PCDHGB4: variants seen among roughly 807,000 people sequenced by gnomAD.
The protein encoded by PCDHGB4 is protocadherin gamma-B4.
PCDHGB4 carries 38 observed loss-of-function variants against 60.5 expected under a neutral mutation model. The observed-to-expected ratio is 0.63, with a 90% CI of 0.48 to 0.82. The LOEUF (loss-of-function observed/expected upper bound fraction) is 0.82. Among genes scored for constraint, PCDHGB4 ranks in the 40% least tolerant of loss-of-function variants. PCDHGB4 has a pLI of 0.00. For synonymous variants in PCDHGB4, 456 were observed against 509.7 expected, an observed-to-expected ratio of 0.89 and a Z score of 1.42; for missense variants, 1,109 against 1,209.6, an observed-to-expected ratio of 0.92 and a Z score of 1.23.
In PCDHGB4 at chr5:141,485,842, T is replaced by C; in HGVS notation, c.2398-8965T>C. ...TCGATGGAGGGAACCCGCCGAGATC[T>C]GGCACCGCAGAGCTCCGGGTATCCG... On this transcript the variant is annotated intron_variant, in intron 1 of 3. Coordinates refer to ENST00000519479, the MANE Select transcript of PCDHGB4 (RefSeq NM_003736.4). This position sits in a 1 kb window ranked among gnomAD's most constrained non-coding sequence, Gnocchi z 5.7. 1 of 1,614,002 alleles carries C rather than the reference T, an allele frequency of 6.2e-7. No homozygotes were observed. Among genetic ancestry groups the C allele is most frequent in the Non-Finnish European group, 8.5e-7 (1 of 1,179,982 alleles).
At chr5:141,408,375 T>A in intron 1 of PCDHGB4, 1 of 1,613,972 alleles carries the variant, frequency 6.2e-7, no homozygotes, top group Non-Finnish European at 8.5e-7. Context: ...GGGCTCAGTG[T>A]CCTGGATGTG....
chr5:141,461,961 T>C (rs914134151), intron 1 of PCDHGB4, among the ~76,000 whole-genome samples: 3 of 152,192 alleles, frequency 2.0e-5, no homozygotes, highest in African/African-American at 7.2e-5. Context: ...GTAGCTGGGA[T>C]TCCAGGCATA....
In PCDHGB4 at chr5:141,476,245, G is replaced by C; in HGVS notation, c.2398-18562G>C. 3.1e-6 allele frequency: 5 copies of C among 1,614,086 alleles called. No homozygotes were observed. The highest frequency in any genetic ancestry group is 3.4e-6 in the Non-Finnish European group (4 of 1,180,026). On this transcript the variant is annotated intron_variant, in intron 1 of 3. Transcript: ENST00000519479. This position sits in a 1 kb window ranked among gnomAD's most constrained non-coding sequence, Gnocchi z 7.6. The stretch of plus-strand genomic sequence containing the variant: ...ATGAGATCCCGGAGGAAAGAGAGAA[G>C]GGTTTCGCTGTGGGCAACGTGGTCG...
chr5:141,460,959 A>G (rs892536901), intron 1 of PCDHGB4, among the ~76,000 whole-genome samples: 2 of 126,082 alleles, frequency 1.6e-5, no homozygotes, highest in African/African-American at 7.1e-5. Context: ...ATGTATATAT[A>G]TATGTGTGTG....
intron 1 of PCDHGB4, chr5:141,394,722 G>A (rs1483795023): frequency 2.5e-6 from 4 of 1,613,314 alleles, no homozygotes; most frequent in Admixed American, 3.3e-5. Flanking sequence ...GGACAGAGAT[G>A]CGCTCAAGCA....
intron 1 of PCDHGB4, chr5:141,391,541 G>T (rs2092385789): frequency 6.6e-6 from 1 of 152,056 alleles, no homozygotes; most frequent in South Asian, 2.1e-4. Flanking sequence ...GGTTTCCATT[G>T]TCTACCCAGT....
Position 141,432,036 on chromosome 5 carries a change from AC to A in PCDHGB4, c.2397+41757del, listed in dbSNP as rs1419691535. The A allele has an allele frequency of 6.2e-7, 1 of 1,614,218 alleles. No individual in the cohort carries two copies. The highest frequency in any genetic ancestry group is 1.3e-5 in the African/African-American group (1 of 75,048). On this transcript the variant is annotated intron_variant, in intron 1 of 3. Coordinates refer to ENST00000519479, the MANE Select transcript of PCDHGB4 (RefSeq NM_003736.4). This position sits in a 1 kb window ranked among gnomAD's most constrained non-coding sequence, Gnocchi z 6.0. ...TACAACATCACAGTGACCGCCACTG[AC>A]CGGGGAACCCCGCCCCTATCCACGG...
In PCDHGB4 at chr5:141,511,281, G is replaced by A; in HGVS notation, c.*108G>A. The A allele has an allele frequency of 2.0e-6, 3 of 1,531,280 alleles. No homozygotes were observed. Among genetic ancestry groups the A allele is most frequent in the Non-Finnish European group, 2.6e-6 (3 of 1,137,132 alleles). 94.9% of individuals were successfully genotyped at this position (1,531,280 alleles called of 1,614,324 possible). ...TTCAGGGCTAACCCCCAGAATACTG[G>A]TAGGGGCCAAGGCCATGCTCCCCTT... On this transcript the variant is annotated 3_prime_UTR_variant, in exon 4 of 4. Transcript: ENST00000519479.
intron 1 of PCDHGB4, chr5:141,422,768 T>C: frequency 6.2e-7 from 1 of 1,613,824 alleles, no homozygotes. Context: ...AACACTGGTG[T>C]TCTCTATGCC....
Position 141,405,152 on chromosome 5 carries a change from G to T in PCDHGB4, c.2397+14871G>T, listed in dbSNP as rs550773622. Reference sequence around the variant, plus strand: ...GCGGGCTACCAGTGATGGGTTGGCTGGTGTGCCCACCTCACACTTTGTGGG... The same window carrying T: ...GCGGGCTACCAGTGATGGGTTGGCTTGTGTGCCCACCTCACACTTTGTGGG... On this transcript the variant is annotated intron_variant, in intron 1 of 3. Transcript: ENST00000519479. 180 of 1,613,896 alleles carry T rather than the reference G, an allele frequency of 1.1e-4. 1 individual carries two copies. In the South Asian group the frequency reaches 1.9e-3, roughly 17 times the overall value.
chr5:141,394,263 A>C lies in PCDHGB4; in HGVS notation c.2397+3982A>C, dbSNP rs745926581. The C allele has an allele frequency of 2.5e-6, 4 of 1,613,766 alleles. No homozygotes were observed. In the African/African-American group the frequency reaches 5.3e-5, roughly 22 times the overall value. On this transcript the variant is annotated intron_variant, in intron 1 of 3. Coordinates refer to ENST00000519479, the MANE Select transcript of PCDHGB4 (RefSeq NM_003736.4). ...TGCACACGACCCCGACAGCCAGGAG[A>C]ATGCCCAGGTCACTTACTCTGTGAC...
intron 1 of PCDHGB4, chr5:141,409,865 C>A: frequency 6.2e-7 from 1 of 1,612,574 alleles, no homozygotes; most frequent in Non-Finnish European, 8.5e-7. Flanking sequence ...GGTGGGAGAC[C>A]GCAATGACAA....
Position 141,400,535 on chromosome 5 carries a change from T to C in PCDHGB4, c.2397+10254T>C, listed in dbSNP as rs753705723. 2.5e-6 allele frequency: 4 copies of C among 1,613,958 alleles called. No individual in the cohort carries two copies. In the South Asian group the frequency reaches 4.4e-5, roughly 18 times the overall value. ...TCCCATCCTGAGTTGGTGAGTTTCATTTATGTCTATTCTTTTTCATTACCC... is the reference window on the plus strand; with the variant it reads ...TCCCATCCTGAGTTGGTGAGTTTCACTTATGTCTATTCTTTTTCATTACCC... On this transcript the variant is annotated intron_variant, in intron 1 of 3. Transcript: ENST00000519479.
chr5:141,491,006 T>C lies in PCDHGB4; in HGVS notation c.2398-3801T>C. The C allele has an allele frequency of 6.2e-7, 1 of 1,614,062 alleles. No homozygotes were observed. Among genetic ancestry groups the C allele is most frequent in the Non-Finnish European group, 8.5e-7 (1 of 1,180,028 alleles). ...CGCTCTGCTCCTCCTGGCTCCTTGG[T>C]CACCAAGGTGACAGCCGTGGATGCT... On this transcript the variant is annotated intron_variant, in intron 1 of 3. Transcript: ENST00000519479. This position sits in a 1 kb window ranked among gnomAD's most constrained non-coding sequence, Gnocchi z 6.9.
chr5:141,461,124 A>G (rs992107268), intron 1 of PCDHGB4, among the ~76,000 whole-genome samples: 1 of 151,978 alleles, frequency 6.6e-6, no homozygotes, highest in Admixed American at 6.6e-5. Context: ...TTTTTCATAT[A>G]ATTACTTATT....
rs2097368013 is a variant in PCDHGB4 at position 141,431,382 on chromosome 5, A to G, written c.2397+41101A>G. 6 of 1,613,756 alleles carry G rather than the reference A, an allele frequency of 3.7e-6. No homozygotes were observed. In the East Asian group the frequency reaches 1.1e-4, roughly 30 times the overall value. On this transcript the variant is annotated intron_variant, in intron 1 of 3. Transcript: ENST00000519479. This position sits in a 1 kb window ranked among gnomAD's most constrained non-coding sequence, Gnocchi z 4.8. ...CTGGACCGCGAAGAAAAGGCTGCTC[A>G]CCACCTGGTCCTTACGGCCTCCGAC... is the stretch of plus-strand genomic sequence containing the variant.
At chr5:141,500,509 G>A (rs1048476645) in intron 2 of PCDHGB4, among the ~76,000 whole-genome samples, 19 of 152,100 alleles carry the variant, frequency 1.2e-4, no homozygotes, top group South Asian at 4.2e-4. Context: ...GCGCCTGGCC[G>A]AGCTTCATTT....
At chr5:141,414,400 G>C (rs768269499) in intron 1 of PCDHGB4, 1 of 1,613,878 alleles carries the variant, frequency 6.2e-7, no homozygotes, top group Admixed American at 1.7e-5. Context: ...TTACAGATTG[G>C]TGATACACAG....
chr5:141,425,177 GGAATTCCAAACTGA>G (rs2096860295), intron 1 of PCDHGB4, among the ~76,000 whole-genome samples: 1 of 152,036 alleles, frequency 6.6e-6, no homozygotes, highest in South Asian at 2.1e-4. Flanking sequence ...TTATACTTGT[GGAATTCCAAACTGA>G]GAAAAATGAT....
Sources: gnomAD v4.1 joint callset for allele counts (sites outside exome capture counted in the v4.1 genomes callset) on GRCh38, gnomAD v4.1.1 for gene constraint, Gnocchi (gnomAD v3.1) non-coding constraint, MANE v1.5 for transcripts, NCBI Gene and HGNC (gene_info 2026-07-23, HGNC 2026-07-21) for gene names.